The following ITGA9 variants were observed in gnomAD, a reference collection of about 807,000 sequenced individuals.
ITGA9 encodes integrin alpha-9.
A neutral mutation model predicts 127.8 loss-of-function variants in ITGA9; 56 were observed. That is an observed-to-expected ratio of 0.44 (90% CI 0.35 to 0.55). The LOEUF (loss-of-function observed/expected upper bound fraction) is 0.55. Among genes scored for constraint, ITGA9 ranks in the 20% least tolerant of loss-of-function variants. ITGA9 has a pLI of 0.00. For missense variants in ITGA9, 1,196 were observed against 1,347.1 expected (o/e 0.89, Z 1.76); for synonymous variants, 508 against 514.5 (o/e 0.99, Z 0.17).
chr3:37,676,544 A>AT (rs1448520019), intron 17 of ITGA9, among the ~76,000 whole-genome samples: 1 of 152,226 alleles, frequency 6.6e-6, no homozygotes, highest in Non-Finnish European at 1.5e-5. Context: ...TGACAAAGAG[A>AT]TGGGGATACT....
At chr3:37,732,851 C>A in intron 19 of ITGA9, 53 bp downstream of exon 19, 1 of 1,377,882 alleles carries the variant, frequency 7.3e-7, no homozygotes, top group South Asian at 1.2e-5. Context: ...AGCCCTTCCA[C>A]CAGCCACTGA....
intron 27 of ITGA9, among the ~76,000 whole-genome samples, chr3:37,810,419 GTTTC>G: frequency 6.6e-6 from 1 of 150,720 alleles, no homozygotes; most frequent in East Asian, 2.0e-4. Flanking sequence ...CACCTAGTCT[GTTTC>G]TTTTTTTTTT....
chr3:37,636,437 G>T (rs1425624308), intron 16 of ITGA9, among the ~76,000 whole-genome samples: 4 of 152,206 alleles, frequency 2.6e-5, no homozygotes, highest in African/African-American at 9.7e-5. Flanking sequence ...CTTCTTTTGA[G>T]AAATGTCTGT....
At chr3:37,546,151 A>C (rs1003130209) in intron 15 of ITGA9, among the ~76,000 whole-genome samples, 1 of 152,214 alleles carries the variant, frequency 6.6e-6, no homozygotes, top group African/African-American at 2.4e-5. Context: ...ACATGTCCCC[A>C]AAACAGAAAG....
chr3:37,534,946 C>T (rs1484062947), intron 14 of ITGA9, among the ~76,000 whole-genome samples: 3 of 152,214 alleles, frequency 2.0e-5, no homozygotes, highest in Admixed American at 6.5e-5. Context: ...TTCTGGGACT[C>T]GTGTGTCCTC....
intron 15 of ITGA9, among the ~76,000 whole-genome samples, chr3:37,599,774 C>G (rs1699900375): frequency 6.6e-6 from 1 of 152,140 alleles, no homozygotes; most frequent in Admixed American, 6.5e-5. Flanking sequence ...TGCACATGTA[C>G]CTAATGCATA....
intron 8 of ITGA9, among the ~76,000 whole-genome samples, chr3:37,510,896 C>T (rs760608198): frequency 3.9e-5 from 6 of 152,204 alleles, no homozygotes; most frequent in East Asian, 3.8e-4. Context: ...CTGTCATCAT[C>T]GTTCTGCTTT....
At chr3:37,655,126 T>G (rs1207290477) in intron 17 of ITGA9, among the ~76,000 whole-genome samples, 1 of 152,224 alleles carries the variant, frequency 6.6e-6, no homozygotes, top group South Asian at 2.1e-4. Context: ...AAGTCTTTGC[T>G]ATTGTAAAGA....
At position 37,452,446 on chromosome 3, in the gene ITGA9, G is replaced by A. The variant is rs762553106; in HGVS notation, c.72G>A (p.Gly24=). 2.8e-5 allele frequency: 42 copies of A among 1,481,078 alleles called. No individual in the cohort carries two copies. In the African/African-American group the frequency reaches 5.9e-4, roughly 21 times the overall value. 91.7% of individuals were successfully genotyped at this position (1,481,078 alleles called of 1,614,324 possible). Residue 24 remains glycine, a synonymous_variant, in exon 1 of 28, where the codon GGG becomes GGA. Coordinates refer to ENST00000264741, the MANE Select transcript of ITGA9 (RefSeq NM_002207.3). The surrounding 1 kb of genome is among the most constrained non-coding windows in gnomAD (Gnocchi z 7.3). ...RALLLALVVA[G]IPAGAYNLDP... ...TGCTGCTGGCGCTGGTGGTCGCGGG[G>A]ATCCCCGCGGGCGCCTACAACCTCG... is the stretch of plus-strand genomic sequence containing the variant.
In ITGA9 at chr3:37,542,570, T is replaced by C. The variant is rs9850581; in HGVS notation, c.1674T>C (p.Tyr558=). The C allele has an allele frequency of 7.8e-3, 12,622 of 1,614,142 alleles. 820 individuals carry two copies. The African/African-American group carries it at 0.14, about 18-fold the overall frequency. Reference sequence around the variant, plus strand: ...ACATGGAGGAGACGTGTCGTCACTATGTGGCCCATGTGAAGGTCAGTCCTC... The same window carrying C: ...ACATGGAGGAGACGTGTCGTCACTACGTGGCCCATGTGAAGGTCAGTCCTC... The part of the protein sequence containing the change: ...LTYMEETCRH[Y]VAHVKRRVQD... The change falls in exon 15 of 28, where the codon TAT becomes TAC. Residue 558 remains tyrosine (Y), a synonymous_variant. Transcript: ENST00000264741.
chr3:37,512,024 T>TTTTCTTCCTTTCTTTC, intron 8 of ITGA9, among the ~76,000 whole-genome samples: 1 of 31,988 alleles, frequency 3.1e-5, no homozygotes, highest in African/African-American at 9.9e-5. Flanking sequence ...TTTTCTTTTC[T>TTTTCTTCCTTTCTTTC]TTTCTTTCTT....
At chr3:37,520,689 C>T (rs1699035465) in intron 11 of ITGA9, among the ~76,000 whole-genome samples, 1 of 152,168 alleles carries the variant, frequency 6.6e-6, no homozygotes, top group Non-Finnish European at 1.5e-5. Flanking sequence ...TGATTCAGCC[C>T]ACAAGGCAGG....
At chr3:37,477,289 A>C (rs1453614182) in intron 3 of ITGA9, among the ~76,000 whole-genome samples, 2 of 152,220 alleles carry the variant, frequency 1.3e-5, no homozygotes, top group East Asian at 1.9e-4. Context: ...TTGGGTTTGA[A>C]GAGGGAGAGG....
chr3:37,778,572 C>T (rs991667603), intron 24 of ITGA9, among the ~76,000 whole-genome samples: 1 of 151,106 alleles, frequency 6.6e-6, no homozygotes, highest in Non-Finnish European at 1.5e-5. Flanking sequence ...GAGCCAAGAT[C>T]GTGCCACTGT....
intron 15 of ITGA9, among the ~76,000 whole-genome samples, chr3:37,611,665 A>G (rs1425066203): frequency 6.6e-6 from 1 of 152,156 alleles, no homozygotes; most frequent in Non-Finnish European, 1.5e-5. Context: ...GGTTTGAGTA[A>G]CTTGGAAATC....
chr3:37,479,436 C>T (rs1698528890), intron 3 of ITGA9, among the ~76,000 whole-genome samples: 1 of 152,204 alleles, frequency 6.6e-6, no homozygotes, highest in Non-Finnish European at 1.5e-5. Context: ...AGTGTGTCCT[C>T]TTTTGCCATT....
intron 18 of ITGA9, among the ~76,000 whole-genome samples, chr3:37,705,284 A>G (rs1381484988): frequency 1.3e-5 from 2 of 152,258 alleles, no homozygotes; most frequent in East Asian, 3.8e-4. Flanking sequence ...TTATAAAAGT[A>G]CCATTTACAC....
chr3:37,513,994 G>A, intron 9 of ITGA9, 94 bp downstream of exon 9: 2 of 1,451,344 alleles, frequency 1.4e-6, no homozygotes, highest in East Asian at 2.3e-5. Context: ...CCGGCACTGG[G>A]GGCAATGTTA....
At chr3:37,601,532 C>T (rs997039855) in intron 15 of ITGA9, among the ~76,000 whole-genome samples, 2 of 152,188 alleles carry the variant, frequency 1.3e-5, no homozygotes, top group African/African-American at 4.8e-5. Flanking sequence ...CTAGAAGCAG[C>T]ATATTCCTGA....
Sources: gnomAD v4.1 joint callset for allele counts (sites outside exome capture counted in the v4.1 genomes callset) on GRCh38, gnomAD v4.1.1 for gene constraint, Gnocchi (gnomAD v3.1) non-coding constraint, MANE v1.5 for transcripts, NCBI Gene and HGNC (gene_info 2026-07-23, HGNC 2026-07-21) for gene names.